TMEM117: variants seen among roughly 807,000 people sequenced by gnomAD.
TMEM117 encodes transmembrane protein 117.
Under a neutral mutation model 52.4 loss-of-function variants are expected in TMEM117, and 27 were observed. The ratio of observed to expected loss-of-function variants is 0.51; its 90% confidence interval spans 0.38 to 0.71. The LOEUF is 0.71. Among genes scored for constraint, TMEM117 ranks in the 30% least tolerant of loss-of-function variants. TMEM117 has a pLI of 0.00. For synonymous variants in TMEM117, 215 were observed against 206.3 expected (o/e 1.04, Z -0.36); for missense variants, 556 against 630.5 (o/e 0.88, Z 1.26).
chr12:44,097,229 G>A (rs896837661), intron 3 of TMEM117, among the ~76,000 whole-genome samples: 1 of 152,128 alleles, frequency 6.6e-6, no homozygotes, highest in African/African-American at 2.4e-5. Context: ...GTGCTGGAGA[G>A]GATGTGGAGA....
At chr12:44,390,757 A>G (rs1952157642), downstream of TMEM117, among the ~76,000 whole-genome samples, 2 of 152,168 alleles carry the variant, frequency 1.3e-5, no homozygotes, top group African/African-American at 2.4e-5. Flanking sequence ...GTTGAATTGT[A>G]TATACTGATA....
chr12:44,363,118 A>T (rs1951744405), intron 6 of TMEM117, among the ~76,000 whole-genome samples: 1 of 152,156 alleles, frequency 6.6e-6, no homozygotes. Flanking sequence ...CATCATGCAA[A>T]AACACTCATG....
chr12:44,298,945 T>C lies in TMEM117; in HGVS notation c.609-635T>C, dbSNP rs567179100. Among the ~76,000 whole-genome samples the C allele has an allele frequency of 1.5e-4, 23 of 150,656 alleles. No homozygotes were observed. The South Asian group carries it at 3.5e-3, about 23-fold the overall frequency. On this transcript the variant is annotated intron_variant, in intron 5 of 7. Transcript: ENST00000266534. ...TCACCATCTGCCTTATCTTCTTACA[T>C]TGCATGTCCACTACCCTTGGTAAAC...
At chr12:44,201,348 T>C (rs1000622197) in intron 4 of TMEM117, among the ~76,000 whole-genome samples, 1 of 152,162 alleles carries the variant, frequency 6.6e-6, no homozygotes, top group Non-Finnish European at 1.5e-5. Flanking sequence ...TAATAAGGAA[T>C]GTAGACATAG....
chr12:43,871,886 TATCAGTTG>T (rs1444985443), intron 2 of TMEM117, among the ~76,000 whole-genome samples: 4 of 152,204 alleles, frequency 2.6e-5, no homozygotes, highest in Non-Finnish European at 5.9e-5. Flanking sequence ...AAAATATACA[TATCAGTTG>T]ATCAGTTTTC....
At chr12:44,230,001 A>G (rs1949912158) in intron 5 of TMEM117, among the ~76,000 whole-genome samples, 1 of 152,116 alleles carries the variant, frequency 6.6e-6, no homozygotes, top group Non-Finnish European at 1.5e-5. Context: ...TGTATATGCT[A>G]ATGGTGTGTT....
intron 2 of TMEM117, among the ~76,000 whole-genome samples, chr12:43,897,312 C>CT (rs11312930): frequency 0.012 from 1,202 of 101,948 alleles, 33 homozygotes; most frequent in East Asian, 0.082. Context: ...TGTAACCATT[C>CT]TTTTTTTTTT....
chr12:43,945,050 G>A (rs563162927), intron 3 of TMEM117, among the ~76,000 whole-genome samples: 220 of 152,050 alleles, frequency 1.4e-3, no homozygotes, highest in South Asian at 4.4e-3. Context: ...AGCGGAGGTT[G>A]CAGTGAGCCA....
chr12:44,066,178 T>C (rs1947219001), intron 3 of TMEM117, among the ~76,000 whole-genome samples: 1 of 152,290 alleles, frequency 6.6e-6, no homozygotes, highest in African/African-American at 2.4e-5. Flanking sequence ...TGTTTACACA[T>C]CCAGTCAGTT....
chr12:44,000,212 A>G (rs1038890585), intron 3 of TMEM117, among the ~76,000 whole-genome samples: 1 of 152,176 alleles, frequency 6.6e-6, no homozygotes, highest in South Asian at 2.1e-4. Context: ...GGAAGGAGAA[A>G]GTGGTGGAAG....
chr12:44,354,605 A>G (rs1951618022), intron 6 of TMEM117, among the ~76,000 whole-genome samples: 1 of 152,000 alleles, frequency 6.6e-6, no homozygotes, highest in South Asian at 2.1e-4. Flanking sequence ...AAGGCCTTTG[A>G]CAAAATTCAA....
chr12:44,032,479 A>G (rs1946648580), intron 3 of TMEM117, among the ~76,000 whole-genome samples: 1 of 152,208 alleles, frequency 6.6e-6, no homozygotes, highest in East Asian at 1.9e-4. Context: ...CTGGATCAGT[A>G]TTCTAATCGT....
the TMEM117 span, among the ~76,000 whole-genome samples, chr12:43,810,583 G>A: frequency 1.3e-5 from 2 of 152,082 alleles, no homozygotes. Flanking sequence ...TGCATAGCAG[G>A]GTTTGTTTGT....
intron 3 of TMEM117, among the ~76,000 whole-genome samples, chr12:44,106,758 G>C (rs1947962538): frequency 6.6e-6 from 1 of 151,536 alleles, no homozygotes; most frequent in African/African-American, 2.4e-5. Context: ...TGATACCACA[G>C]AGTTACAGAT....
At chr12:43,796,872 G>A in the TMEM117 span, 2 of 1,279,378 alleles carry the variant, frequency 1.6e-6, no homozygotes, top group Non-Finnish European at 1.1e-6. Context: ...ATGATAACAA[G>A]AAAAATAAAT....
intron 3 of TMEM117, among the ~76,000 whole-genome samples, chr12:44,013,951 A>C (rs2137815251): frequency 6.6e-6 from 1 of 152,292 alleles, no homozygotes; most frequent in African/African-American, 2.4e-5. Context: ...TAAACTCCTG[A>C]CATGTTGGAG....
the TMEM117 span, chr12:43,797,120 A>G: frequency 6.4e-7 from 1 of 1,566,990 alleles, no homozygotes; most frequent in South Asian, 1.2e-5. Context: ...ATAATAACAA[A>G]TATAATTAGC....
At chr12:44,037,964 G>A (rs1263496014) in intron 3 of TMEM117, among the ~76,000 whole-genome samples, 1 of 151,994 alleles carries the variant, frequency 6.6e-6, no homozygotes, top group South Asian at 2.1e-4. Flanking sequence ...TCCACTGAGA[G>A]CTCAATACTT....
chr12:43,968,415 C>G lies in TMEM117; in HGVS notation c.410+24073C>G, dbSNP rs577407105. On this transcript the variant is annotated intron_variant, in intron 3 of 7. Transcript: ENST00000266534. ...TATCTTGCATATTTGACTTTTTCAACAATATCAAGTGTCATGACAAAGGAG... is the reference window on the plus strand; with the variant it reads ...TATCTTGCATATTTGACTTTTTCAAGAATATCAAGTGTCATGACAAAGGAG... 8.5e-5 allele frequency among the ~76,000 whole-genome samples: 13 copies of G among 152,286 alleles called. No individual in the cohort carries two copies. In the South Asian group the frequency reaches 2.5e-3, roughly 29 times the overall value.
Sources: gnomAD v4.1 joint callset for allele counts (sites outside exome capture counted in the v4.1 genomes callset) on GRCh38, gnomAD v4.1.1 for gene constraint, MANE v1.5 for transcripts, NCBI Gene and HGNC (gene_info 2026-07-23, HGNC 2026-07-21) for gene names.